PTN: variants seen among roughly 807,000 people sequenced by gnomAD.
PTN encodes heparin affin regulatory protein.
A neutral mutation model predicts 24.1 loss-of-function variants in PTN; 18 were observed. The observed-to-expected ratio is 0.75, with a 90% CI of 0.52 to 1.11. PTN has a LOEUF of 1.11. Ranked by LOEUF, PTN falls within the 50% of genes least tolerant of loss-of-function variation. The pLI is 0.00. For missense variants in PTN, 163 were observed against 198.8 expected (o/e 0.82, Z 1.08); for synonymous variants, 78 against 68.6 (o/e 1.14, Z -0.67).
intron 1 of PTN, among the ~76,000 whole-genome samples, chr7:137,286,993 A>T (rs1208877926): frequency 1.3e-5 from 2 of 152,214 alleles, no homozygotes; most frequent in Non-Finnish European, 2.9e-5. Flanking sequence ...CCAACCACAC[A>T]GATAGTTAAT....
chr7:137,261,019 T>C (rs1410875859), intron 1 of PTN, among the ~76,000 whole-genome samples: 1 of 152,178 alleles, frequency 6.6e-6, no homozygotes, highest in African/African-American at 2.4e-5. Flanking sequence ...TCCTTTTATT[T>C]ATCTAGTTTT....
chr7:137,296,056 C>T lies in PTN; in HGVS notation c.-1-41082G>A, dbSNP rs1211803839. Among the ~76,000 whole-genome samples, 4 of 152,130 alleles carry T rather than the reference C, an allele frequency of 2.6e-5. No individual in the cohort carries two copies. In the South Asian group the frequency reaches 8.3e-4, roughly 32 times the overall value. On this transcript the variant is annotated intron_variant, in intron 1 of 4. Coordinates refer to ENST00000348225, the MANE Select transcript of PTN (RefSeq NM_002825.7). ...TAGAGTTTAATTGGAAAATCTCATT[C>T]CTTTGGTCTCAGAGTTCTTTCTCAC...
In PTN at chr7:137,289,398, C is replaced by A. The variant is rs568975445; in HGVS notation, c.-1-34424G>T. On this transcript the variant is annotated intron_variant, in intron 1 of 4. Transcript: ENST00000348225. ...TGTTAGGCAGAATTAAAAGATACTC[C>A]CAAGAACACACGACTTCTCTTATCG... is the stretch of plus-strand genomic sequence containing the variant. 2.0e-5 allele frequency among the ~76,000 whole-genome samples: 3 copies of A among 152,106 alleles called. No homozygotes were observed. In the East Asian group the frequency reaches 5.8e-4, roughly 29 times the overall value.
At chr7:137,310,086 G>C (rs1809954345) in intron 1 of PTN, among the ~76,000 whole-genome samples, 3 of 152,168 alleles carry the variant, frequency 2.0e-5, no homozygotes, top group African/African-American at 7.2e-5. Context: ...GCTTCAGAAT[G>C]AATGTCATAT....
chr7:137,313,233 C>T (rs1362493865), intron 1 of PTN, among the ~76,000 whole-genome samples: 1 of 152,120 alleles, frequency 6.6e-6, no homozygotes, highest in Non-Finnish European at 1.5e-5. Context: ...AACTCTCTTC[C>T]AGCAAGCAGA....
chr7:137,304,371 C>T (rs1218709920), intron 1 of PTN, among the ~76,000 whole-genome samples: 1 of 151,850 alleles, frequency 6.6e-6, no homozygotes, highest in Non-Finnish European at 1.5e-5. Context: ...TTTCTGTCTC[C>T]ATGGAACTGA....
chr7:137,329,250 T>C, intron 1 of PTN, among the ~76,000 whole-genome samples: 1 of 152,226 alleles, frequency 6.6e-6, no homozygotes, highest in South Asian at 2.1e-4. Flanking sequence ...TTATTAATGC[T>C]GGTGAATTGT....
At chr7:137,342,308 C>G (rs575022915) in intron 1 of PTN, among the ~76,000 whole-genome samples, 1 of 152,112 alleles carries the variant, frequency 6.6e-6, no homozygotes. Flanking sequence ...CACATGCACA[C>G]GCACACACAC....
intron 1 of PTN, among the ~76,000 whole-genome samples, chr7:137,316,941 A>G (rs914339018): frequency 2.6e-5 from 4 of 152,084 alleles, no homozygotes; most frequent in African/African-American, 7.2e-5. Context: ...CAGGCCCCTT[A>G]GTGGAACTGC....
In PTN at chr7:137,253,758, T is replaced by G. The variant is rs140842988; in HGVS notation, c.116-121A>C. On this transcript the variant is annotated intron_variant, in intron 2 of 4. Coordinates refer to ENST00000348225, the MANE Select transcript of PTN (RefSeq NM_002825.7). ...TGTGTTTTTTAATCTGTATCCTTAT[T>G]GTCTAATGAATAGTAGAAACATGAT... The G allele has an allele frequency of 2.3e-5, 19 of 843,182 alleles. No individual in the cohort carries two copies. In the African/African-American group the frequency reaches 3.3e-4, roughly 15 times the overall value. The allele number at this position is 843,182 out of a possible 1,614,324, so 52.2% of individuals were successfully genotyped here.
intron 1 of PTN, among the ~76,000 whole-genome samples, chr7:137,296,687 T>G (rs551051779): frequency 6.6e-6 from 1 of 152,116 alleles, no homozygotes; most frequent in African/African-American, 2.4e-5. Flanking sequence ...ACTGCATAAG[T>G]TGAAGCTTGT....
intron 1 of PTN, among the ~76,000 whole-genome samples, chr7:137,271,615 G>A (rs1269039983): frequency 6.6e-5 from 10 of 152,204 alleles, no homozygotes; most frequent in Non-Finnish European, 1.0e-4. Flanking sequence ...AAGAAGACTC[G>A]GCTGTTTGTA....
At chr7:137,303,794 G>A (rs58439678) in intron 1 of PTN, among the ~76,000 whole-genome samples, 22,083 of 151,892 alleles carry the variant, frequency 0.15, 1,747 homozygotes, top group South Asian at 0.2. Flanking sequence ...TGAGACAACC[G>A]CTAAGAAACT....
intron 1 of PTN, among the ~76,000 whole-genome samples, chr7:137,275,147 C>G (rs900100340): frequency 1.1e-4 from 16 of 152,030 alleles, no homozygotes; most frequent in African/African-American, 3.9e-4. Context: ...ATATCTCCCC[C>G]AAAAAACATC....
intron 1 of PTN, among the ~76,000 whole-genome samples, chr7:137,307,502 A>G (rs1809908687): frequency 6.6e-6 from 1 of 152,146 alleles, no homozygotes; most frequent in South Asian, 2.1e-4. Flanking sequence ...GCTGATTTCT[A>G]TTCCAACAAT....
At position 137,227,920 on chromosome 7, in the gene PTN, A is replaced by G. The variant is rs1180463320; in HGVS notation, c.*100T>C. The G allele has an allele frequency of 3.4e-6, 5 of 1,480,388 alleles. No individual in the cohort carries two copies. The highest frequency in any genetic ancestry group is 4.5e-6 in the Non-Finnish European group (5 of 1,109,928). The allele number at this position is 1,480,388 out of a possible 1,614,324, so 91.7% of individuals were successfully genotyped here. ...GTTTTTGCTTATTGTGTACTTAGCT[A>G]TAGATAATTTTTGAATACAAAGCCT... On this transcript the variant is annotated 3_prime_UTR_variant, in exon 5 of 5. Coordinates refer to ENST00000348225, the MANE Select transcript of PTN (RefSeq NM_002825.7).
At chr7:137,228,379 A>G (rs988484937) in intron 4 of PTN, among the ~76,000 whole-genome samples, 4 of 151,752 alleles carry the variant, frequency 2.6e-5, no homozygotes, top group African/African-American at 9.7e-5. Flanking sequence ...CCTTTGTTTG[A>G]TAGGCAAGAT....
At chr7:137,237,023 TTA>T (rs1280949642) in intron 4 of PTN, among the ~76,000 whole-genome samples, 1 of 152,138 alleles carries the variant, frequency 6.6e-6, no homozygotes, top group East Asian at 1.9e-4. Context: ...GTTCAAAAAA[TTA>T]TAGATATAGA....
chr7:137,308,076 T>C (rs1478252297), intron 1 of PTN, among the ~76,000 whole-genome samples: 1 of 152,162 alleles, frequency 6.6e-6, no homozygotes, highest in Non-Finnish European at 1.5e-5. Flanking sequence ...CACACCTATT[T>C]CCTTGCAATC....
Sources: allele counts gnomAD v4.1 joint callset (sites outside exome capture counted in the v4.1 genomes callset), GRCh38; gene constraint gnomAD v4.1.1; transcripts MANE v1.5; gene names NCBI Gene and HGNC (gene_info 2026-07-23, HGNC 2026-07-21).